LAMA2: variants seen among roughly 807,000 people sequenced by gnomAD.
LAMA2 encodes laminin subunit alpha 2, also known as laminin subunit alpha-2.
LAMA2 carries 269 observed loss-of-function variants against 364.8 expected under a neutral mutation model. That is an observed-to-expected ratio of 0.74 (90% confidence interval 0.67 to 0.82). The LOEUF (loss-of-function observed/expected upper bound fraction) is 0.82. Among genes scored for constraint, LAMA2 ranks in the 40% least tolerant of loss-of-function variants. The probability of loss-of-function intolerance (pLI) is 0.00; values close to 1 mark genes in which losing one functional copy is unlikely to be tolerated. For missense variants in LAMA2, 3,807 were observed against 3,873.2 expected (o/e 0.98, Z 0.45); for synonymous variants, 1,379 against 1,370.6 (o/e 1.01, Z -0.14).
intron 1 of LAMA2, among the ~76,000 whole-genome samples, chr6:128,922,775 T>G (rs1208041437): frequency 6.6e-6 from 1 of 152,184 alleles, no homozygotes; most frequent in Non-Finnish European, 1.5e-5. Context: ...AGACATGAAG[T>G]CTTTGCCCAT....
At chr6:129,234,858 A>C (rs1784882129) in intron 12 of LAMA2, among the ~76,000 whole-genome samples, 2 of 152,180 alleles carry the variant, frequency 1.3e-5, no homozygotes, top group East Asian at 1.9e-4. Flanking sequence ...TAGATAAAGC[A>C]AAGAAAAATC....
rs1321352960 is a variant in LAMA2, at chr6:128,891,707, CTG to C, written c.112+8352_112+8353del. On this transcript the variant is annotated intron_variant, in intron 1 of 64. Transcript: ENST00000421865. ...TGTGGTATACCAAATTCAGTTGAGA[CTG>C]TTTGTGAAGGAAGGAATTTGCTTAT... 2.0e-5 allele frequency among the ~76,000 whole-genome samples: 3 copies of C among 152,162 alleles called. No homozygotes were observed. In the East Asian group the frequency reaches 5.8e-4, roughly 29 times the overall value.
At chr6:129,366,868 C>CA (rs1211587269) in intron 33 of LAMA2, among the ~76,000 whole-genome samples, 1 of 152,212 alleles carries the variant, frequency 6.6e-6, no homozygotes, top group East Asian at 1.9e-4. Flanking sequence ...GAGCCCCCTA[C>CA]AAAGGGTCCT....
Position 129,393,109 on chromosome 6 carries a change from G to A in LAMA2, c.5299G>A (p.Glu1767Lys). The A allele has an allele frequency of 6.2e-7, 1 of 1,614,074 alleles. No homozygotes were observed. Among genetic ancestry groups the A allele is most frequent in the Non-Finnish European group, 8.5e-7 (1 of 1,179,954 alleles). Residue 1767 changes from glutamate (E) to lysine (K), a missense_variant, in exon 37 of 65, where the codon GAA becomes AAA. Transcript: ENST00000421865. ...TGGAGAGTCCCGGGGGGAAAATGAA[G>A]AAATGGAGAAGGATCTCCGGGAAAA... ...LFGESRGENE[E>K]MEKDLREKLA...
chr6:129,139,823 G>A (rs983433994), intron 4 of LAMA2, among the ~76,000 whole-genome samples: 2 of 152,046 alleles, frequency 1.3e-5, no homozygotes, highest in Admixed American at 6.6e-5. Context: ...TGGATTTACT[G>A]TTCTGTCTCC....
rs1784409392 is a variant in LAMA2, at chr6:129,005,730, G to A, written c.113-44188G>A. Among the ~76,000 whole-genome samples the A allele has an allele frequency of 2.0e-5, 3 of 151,058 alleles. 1 individual carries two copies. In the South Asian group the frequency reaches 6.2e-4, roughly 31 times the overall value. On this transcript the variant is annotated intron_variant, in intron 1 of 64. Transcript: ENST00000421865. ...GAAAAATGTGTGTGTGTGTGTGTAT[G>A]TGTGTGTATAATTTTTTGGATCTAT...
chr6:129,207,328 A>G (rs1782743544), intron 12 of LAMA2, among the ~76,000 whole-genome samples: 1 of 152,048 alleles, frequency 6.6e-6, no homozygotes, highest in Admixed American at 6.6e-5. Flanking sequence ...ATTGTTTACA[A>G]TGTTTTAATT....
At chr6:128,936,396 A>T (rs530833314) in intron 1 of LAMA2, among the ~76,000 whole-genome samples, 1 of 152,082 alleles carries the variant, frequency 6.6e-6, no homozygotes, top group African/African-American at 2.4e-5. Flanking sequence ...AGGATGTTGA[A>T]TTTTTTCAAA....
intron 1 of LAMA2, among the ~76,000 whole-genome samples, chr6:128,989,601 G>A (rs1413791144): frequency 6.6e-6 from 1 of 152,150 alleles, no homozygotes; most frequent in Non-Finnish European, 1.5e-5. Flanking sequence ...AGCATACAAA[G>A]GGCTTGGCAC....
chr6:129,064,756 G>T (rs1027227197), intron 3 of LAMA2, among the ~76,000 whole-genome samples: 3 of 152,122 alleles, frequency 2.0e-5, no homozygotes, highest in African/African-American at 7.2e-5. Flanking sequence ...AGAGTAAGGA[G>T]ATTGAATCAG....
intron 4 of LAMA2, among the ~76,000 whole-genome samples, chr6:129,143,226 C>G (rs1778232401): frequency 6.6e-6 from 1 of 151,848 alleles, no homozygotes; most frequent in Admixed American, 6.6e-5. Flanking sequence ...AAAAAATTCA[C>G]CATTCCATTC....
At chr6:129,066,222 T>G (rs1027560004) in intron 3 of LAMA2, among the ~76,000 whole-genome samples, 19 of 149,410 alleles carry the variant, frequency 1.3e-4, no homozygotes, top group Non-Finnish European at 1.9e-4. Context: ...ATTTTTTGTA[T>G]TTTTAGTAGA....
chr6:129,385,357 C>T (rs149810592), intron 35 of LAMA2, among the ~76,000 whole-genome samples: 8 of 147,280 alleles, frequency 5.4e-5, no homozygotes, highest in African/African-American at 1.0e-4. Flanking sequence ...AAGGGAGGGA[C>T]GGAAGGAAGG....
intron 2 of LAMA2, among the ~76,000 whole-genome samples, chr6:129,052,856 T>C (rs1265531491): frequency 2.6e-5 from 4 of 152,190 alleles, no homozygotes; most frequent in African/African-American, 4.8e-5. Context: ...TGTGCCTTTT[T>C]TCTTGGAGCT....
At chr6:129,266,180 CA>C (rs555073609) in intron 15 of LAMA2, among the ~76,000 whole-genome samples, 108 of 152,180 alleles carry the variant, frequency 7.1e-4, no homozygotes, top group Non-Finnish European at 1.4e-3. Flanking sequence ...CCACAAGATG[CA>C]ATTTCACTGG....
intron 7 of LAMA2, 136 bp downstream of exon 7, chr6:129,149,232 C>T: frequency 1.4e-6 from 1 of 711,260 alleles, no homozygotes; most frequent in East Asian, 2.6e-5. Flanking sequence ...TCGAAGACAA[C>T]CCATATGTCT....
intron 1 of LAMA2, among the ~76,000 whole-genome samples, chr6:129,021,477 A>G (rs9492199): frequency 0.027 from 4,047 of 152,306 alleles, 169 homozygotes; most frequent in African/African-American, 0.093. Context: ...GAAAGTGCAC[A>G]TAATTCTGGA....
chr6:128,897,606 T>TTA (rs1776850009), intron 1 of LAMA2, among the ~76,000 whole-genome samples: 1 of 152,224 alleles, frequency 6.6e-6, no homozygotes, highest in Non-Finnish European at 1.5e-5. Flanking sequence ...TGGCTCAGGG[T>TTA]ATCCCCAAAA....
chr6:129,227,963 C>A (rs909857221), intron 12 of LAMA2, among the ~76,000 whole-genome samples: 1 of 152,184 alleles, frequency 6.6e-6, no homozygotes, highest in African/African-American at 2.4e-5. Flanking sequence ...CCTTGAGCTG[C>A]AGTGGGCTTC....
Sources: gnomAD v4.1 joint callset for allele counts (sites outside exome capture counted in the v4.1 genomes callset) on GRCh38, gnomAD v4.1.1 for gene constraint, MANE v1.5 for transcripts, NCBI Gene and HGNC (gene_info 2026-07-23, HGNC 2026-07-21) for gene names.